MTMR2: variants seen among roughly 807,000 people sequenced by gnomAD.
The protein encoded by MTMR2 is phosphatidylinositol-3,5-bisphosphate 3-phosphatase MTMR2.
A neutral mutation model predicts 86.9 loss-of-function variants in MTMR2; 55 were observed. That is an observed-to-expected ratio of 0.63 (90% CI 0.51 to 0.79). The LOEUF (loss-of-function observed/expected upper bound fraction) is 0.79. MTMR2 is among the 30% of genes least tolerant of loss of function. MTMR2 has a pLI of 0.00. For missense variants in MTMR2, 659 were observed against 772.3 expected (o/e 0.85, Z 1.74); for synonymous variants, 241 against 266.8 (o/e 0.90, Z 0.94).
At chr11:95,878,053 A>C (rs1865189088) in intron 2 of MTMR2, among the ~76,000 whole-genome samples, 1 of 151,604 alleles carries the variant, frequency 6.6e-6, no homozygotes, top group Non-Finnish European at 1.5e-5. Flanking sequence ...TCTGACCTTC[A>C]GCAGGAGAAT....
At chr11:95,837,719 G>A (rs2298445) in intron 13 of MTMR2, among the ~76,000 whole-genome samples, 1,907 of 152,092 alleles carry the variant, frequency 0.013, 60 homozygotes, top group Admixed American at 0.06. Flanking sequence ...GGGAATTTGA[G>A]CTGCCTATTC....
chr11:95,874,099 TG>T (rs1185415401), intron 2 of MTMR2, among the ~76,000 whole-genome samples: 1 of 152,224 alleles, frequency 6.6e-6, no homozygotes, highest in Non-Finnish European at 1.5e-5. Flanking sequence ...GTTCTGTAGA[TG>T]TCTATTAGGT....
At chr11:95,901,146 A>G (rs1330738698) in intron 1 of MTMR2, among the ~76,000 whole-genome samples, 1 of 152,166 alleles carries the variant, frequency 6.6e-6, no homozygotes, top group African/African-American at 2.4e-5. Context: ...TCTCTGAAAT[A>G]TCATGAATTC....
At chr11:95,882,743 G>C (rs954259499) in intron 2 of MTMR2, among the ~76,000 whole-genome samples, 2 of 140,658 alleles carry the variant, frequency 1.4e-5, no homozygotes, top group Non-Finnish European at 3.1e-5. Context: ...TTTTTTTTGA[G>C]ACAGAGTCTC....
chr11:95,875,688 G>A (rs1239181242), intron 2 of MTMR2, among the ~76,000 whole-genome samples: 2 of 152,208 alleles, frequency 1.3e-5, no homozygotes, highest in East Asian at 3.9e-4. Context: ...GACTTTTAGA[G>A]TTTCCAGTTT....
chr11:95,847,321 A>G (rs1362155961), intron 10 of MTMR2, among the ~76,000 whole-genome samples: 1 of 152,210 alleles, frequency 6.6e-6, no homozygotes, highest in Non-Finnish European at 1.5e-5. Flanking sequence ...AATTAGCAAT[A>G]TACGTTGGTT....
intron 3 of MTMR2, 31 bp from the exon 4 acceptor site, chr11:95,862,397 T>C (rs778991565): frequency 2.7e-6 from 4 of 1,492,480 alleles, no homozygotes; most frequent in South Asian, 2.3e-5. Flanking sequence ...CAGTTTACTA[T>C]ACATTATGTG....
intron 1 of MTMR2, 170 bp downstream of exon 1, chr11:95,923,705 G>A (rs906061565): frequency 2.4e-5 from 35 of 1,436,672 alleles, no homozygotes; most frequent in Non-Finnish European, 3.1e-5. Context: ...CTTTTCCTCA[G>A]CCTCCACGCC....
intron 5 of MTMR2, among the ~76,000 whole-genome samples, chr11:95,861,572 C>T (rs370006612): frequency 2.6e-5 from 4 of 151,834 alleles, no homozygotes; most frequent in East Asian, 1.9e-4. Context: ...TACAGGTGCC[C>T]GCCACCACGC....
chr11:95,850,616 G>A lies in MTMR2; in HGVS notation c.788C>T (p.Ser263Leu). 1 of 1,614,050 alleles carries A rather than the reference G, an allele frequency of 6.2e-7. No homozygotes were observed. The highest frequency in any genetic ancestry group is 8.5e-7 in the Non-Finnish European group (1 of 1,179,990). ...CCTACTTACTGGGATACGGCCTCTT[G>A]ATCTGAAGGATGCCACTCTCTTTAA... Reference protein sequence around the residue: ...EELKRVASFRSRGRIPVLSWI... With the variant: ...EELKRVASFRLRGRIPVLSWI... Residue 263 changes from serine (S) to leucine (L), a missense_variant, in exon 8 of 15, where the codon TCA (serine) becomes TTA (leucine). Coordinates refer to ENST00000346299, the MANE Select transcript of MTMR2 (RefSeq NM_016156.6).
At chr11:95,848,997 T>C (rs1180317163) in intron 9 of MTMR2, among the ~76,000 whole-genome samples, 1 of 152,072 alleles carries the variant, frequency 6.6e-6, no homozygotes, top group Non-Finnish European at 1.5e-5. Flanking sequence ...TGGATTCAGG[T>C]AGTGGCATGG....
At chr11:95,843,423 T>G (rs963080737) in intron 11 of MTMR2, among the ~76,000 whole-genome samples, 1 of 152,156 alleles carries the variant, frequency 6.6e-6, no homozygotes, top group African/African-American at 2.4e-5. Context: ...CAATGGAATT[T>G]AATGATAAAA....
At chr11:95,868,854 T>C (rs1472680409) in intron 2 of MTMR2, among the ~76,000 whole-genome samples, 1 of 151,322 alleles carries the variant, frequency 6.6e-6, no homozygotes, top group South Asian at 2.1e-4. Context: ...TGATCAAAGC[T>C]GTGAAGGAAA....
At chr11:95,877,405 C>A (rs1385002565) in intron 2 of MTMR2, among the ~76,000 whole-genome samples, 3 of 132,402 alleles carry the variant, frequency 2.3e-5, no homozygotes, top group Non-Finnish European at 4.7e-5. Context: ...CAGCTGAAAC[C>A]ACAACTAGCC....
At chr11:95,860,178 A>G (rs2135468993) in intron 5 of MTMR2, among the ~76,000 whole-genome samples, 1 of 152,276 alleles carries the variant, frequency 6.6e-6, no homozygotes, top group East Asian at 1.9e-4. Flanking sequence ...GTTGCCAGCG[A>G]TTACACTCAC....
At chr11:95,895,054 T>C (rs958292014) in intron 1 of MTMR2, among the ~76,000 whole-genome samples, 13 of 151,962 alleles carry the variant, frequency 8.6e-5, no homozygotes, top group African/African-American at 3.1e-4. Context: ...ATACAAAACA[T>C]TGGGTTATGA....
chr11:95,903,401 T>C (rs74367428), intron 1 of MTMR2, among the ~76,000 whole-genome samples: 2 of 152,176 alleles, frequency 1.3e-5, no homozygotes, highest in Admixed American at 1.3e-4. Flanking sequence ...TCATAGTACT[T>C]ACTTGTCAAC....
At chr11:95,860,338 CA>C (rs1864365106) in intron 5 of MTMR2, among the ~76,000 whole-genome samples, 1 of 151,836 alleles carries the variant, frequency 6.6e-6, no homozygotes, top group African/African-American at 2.4e-5. Context: ...CCATCTCTAC[CA>C]AAAATACAAA....
rs1441525195 is a variant in MTMR2, at chr11:95,920,495, T to C, written c.80+3380A>G. 7.9e-5 allele frequency among the ~76,000 whole-genome samples: 12 copies of C among 151,716 alleles called. No homozygotes were observed. The South Asian group carries it at 2.3e-3, about 29-fold the overall frequency. The stretch of plus-strand genomic sequence containing the variant: ...GCTGACGATTACTTTTTTTTTTTTT[T>C]TTTTAAAGATGCAGGATGACATAAC... On this transcript the variant is annotated intron_variant, in intron 1 of 14. Coordinates refer to ENST00000346299, the MANE Select transcript of MTMR2 (RefSeq NM_016156.6).
Sources: gnomAD v4.1 joint callset for allele counts (sites outside exome capture counted in the v4.1 genomes callset) on GRCh38, gnomAD v4.1.1 for gene constraint, MANE v1.5 for transcripts, NCBI Gene and HGNC (gene_info 2026-07-23, HGNC 2026-07-21) for gene names.